KIAA1217: variants seen among roughly 807,000 people sequenced by gnomAD.
KIAA1217 encodes the protein KIAA1217.
KIAA1217 carries 88 observed loss-of-function variants against 163.9 expected under a neutral mutation model. The observed-to-expected ratio is 0.54, with a 90% CI of 0.45 to 0.64. The LOEUF (loss-of-function observed/expected upper bound fraction) is 0.64. Among genes scored for constraint, KIAA1217 ranks in the 30% least tolerant of loss-of-function variants. The probability of loss-of-function intolerance (pLI) is 0.00; values close to 1 mark genes in which losing one functional copy is unlikely to be tolerated. For synonymous variants in KIAA1217, 903 were observed against 923.1 expected, an observed-to-expected ratio of 0.98 and a Z score of 0.39; for missense variants, 2,372 against 2,475.0, an observed-to-expected ratio of 0.96 and a Z score of 0.88.
intron 2 of KIAA1217, among the ~76,000 whole-genome samples, chr10:24,174,456 C>A (rs1021323576): frequency 1.3e-5 from 2 of 152,178 alleles, no homozygotes; most frequent in African/African-American, 4.8e-5. Context: ...AAAGCTATAC[C>A]TTGAAACCCC....
chr10:24,225,438 C>G (rs897551865), intron 2 of KIAA1217, among the ~76,000 whole-genome samples: 1 of 152,164 alleles, frequency 6.6e-6, no homozygotes, highest in African/African-American at 2.4e-5. Flanking sequence ...TTTTTGTCAA[C>G]AAATATTTGA....
intron 3 of KIAA1217, among the ~76,000 whole-genome samples, chr10:24,408,742 C>A (rs1297543578): frequency 1.3e-5 from 2 of 151,922 alleles, no homozygotes; most frequent in East Asian, 3.9e-4. Flanking sequence ...AATCTTTATT[C>A]AAACACCATC....
chr10:23,831,859 A>G (rs888070160), intron 1 of KIAA1217, among the ~76,000 whole-genome samples: 2 of 152,214 alleles, frequency 1.3e-5, no homozygotes, highest in African/African-American at 2.4e-5. Context: ...TTCCACTTCT[A>G]AAGAAGGTTT....
intron 2 of KIAA1217, among the ~76,000 whole-genome samples, chr10:24,190,694 G>A (rs2066676972): frequency 6.6e-6 from 1 of 152,192 alleles, no homozygotes; most frequent in South Asian, 2.1e-4. Context: ...GGGAAGGCAG[G>A]CTGCTGACCA....
intron 2 of KIAA1217, among the ~76,000 whole-genome samples, chr10:24,290,607 C>CTTT (rs772470799): frequency 7.0e-6 from 1 of 142,760 alleles, no homozygotes; most frequent in Non-Finnish European, 1.5e-5. Flanking sequence ...AGATGTCTCT[C>CTTT]TTTTTTTTTT....
intron 2 of KIAA1217, among the ~76,000 whole-genome samples, chr10:24,275,075 C>A (rs1487965003): frequency 6.6e-6 from 1 of 152,178 alleles, no homozygotes; most frequent in Non-Finnish European, 1.5e-5. Flanking sequence ...ATATCTGGGA[C>A]TACAGGCACA....
intron 1 of KIAA1217, among the ~76,000 whole-genome samples, chr10:23,894,791 A>G (rs896807606): frequency 7.3e-5 from 11 of 150,928 alleles, no homozygotes; most frequent in African/African-American, 2.7e-4. Context: ...ACCAAAACAG[A>G]GATATAGATC....
chr10:23,955,938 G>A (rs1215155917), intron 1 of KIAA1217, among the ~76,000 whole-genome samples: 1 of 152,138 alleles, frequency 6.6e-6, no homozygotes, highest in African/African-American at 2.4e-5. Context: ...CTTTAGATTC[G>A]AGATGGTATC....
At chr10:24,430,126 A>G (rs2059477772) in intron 3 of KIAA1217, among the ~76,000 whole-genome samples, 1 of 152,194 alleles carries the variant, frequency 6.6e-6, no homozygotes, top group African/African-American at 2.4e-5. Flanking sequence ...AGCCTAGGCA[A>G]CAGAGCAAGG....
At chr10:23,715,798 A>C (rs1387558939) in intron 1 of KIAA1217, among the ~76,000 whole-genome samples, 1 of 152,240 alleles carries the variant, frequency 6.6e-6, no homozygotes, top group East Asian at 1.9e-4. Flanking sequence ...CCCGTGAAAG[A>C]AAAGCAAAGC....
chr10:23,752,318 C>T (rs140409550), intron 1 of KIAA1217, among the ~76,000 whole-genome samples: 1 of 152,080 alleles, frequency 6.6e-6, no homozygotes, highest in Non-Finnish European at 1.5e-5. Context: ...GAGACATTTA[C>T]ATTTTATTGA....
At chr10:24,163,561 A>G (rs1011700394) in intron 2 of KIAA1217, among the ~76,000 whole-genome samples, 4 of 152,194 alleles carry the variant, frequency 2.6e-5, no homozygotes, top group Admixed American at 6.5e-5. Context: ...GTTTTCTTGA[A>G]GCTTATTTCT....
chr10:23,891,354 C>T (rs183870758), intron 1 of KIAA1217, among the ~76,000 whole-genome samples: 93 of 151,924 alleles, frequency 6.1e-4, no homozygotes, highest in African/African-American at 2.1e-3. Flanking sequence ...ACCTGGTTGC[C>T]CAGGCTGGAA....
chr10:24,240,543 C>T (rs939857632), intron 2 of KIAA1217, among the ~76,000 whole-genome samples: 1 of 152,136 alleles, frequency 6.6e-6, no homozygotes, highest in African/African-American at 2.4e-5. Flanking sequence ...AGAACTGTGC[C>T]TCCAACATCG....
At chr10:23,723,511 C>T (rs1473510130) in intron 1 of KIAA1217, among the ~76,000 whole-genome samples, 1 of 152,180 alleles carries the variant, frequency 6.6e-6, no homozygotes, top group African/African-American at 2.4e-5. Flanking sequence ...AGTCTTAGTG[C>T]ATGCATCTTG....
rs535533470 is a variant in KIAA1217, at chr10:24,169,899, G to A, written c.-170-49727G>A. 7.2e-5 allele frequency among the ~76,000 whole-genome samples: 11 copies of A among 151,994 alleles called. No individual in the cohort carries two copies. The South Asian group carries it at 1.5e-3, about 20-fold the overall frequency. On this transcript the variant is annotated intron_variant, in intron 2 of 18. Transcript: ENST00000376462. ...ACAACAAAAAGAAAATTAAAAAAAC[G>A]AAAAAACACCTAAGCTCCCTAAGTT...
At chr10:24,396,223 A>G (rs2055725936) in intron 3 of KIAA1217, among the ~76,000 whole-genome samples, 1 of 151,974 alleles carries the variant, frequency 6.6e-6, no homozygotes, top group Non-Finnish European at 1.5e-5. Context: ...TGTAATCCCA[A>G]CTAGTCGGGA....
chr10:24,243,354 C>T (rs1203766445), intron 2 of KIAA1217, among the ~76,000 whole-genome samples: 7 of 152,012 alleles, frequency 4.6e-5, no homozygotes, highest in Non-Finnish European at 1.5e-5. Flanking sequence ...GCTTCTAGTG[C>T]ACCCATTATT....
At chr10:23,836,143 A>G (rs1838437408) in intron 1 of KIAA1217, among the ~76,000 whole-genome samples, 1 of 152,186 alleles carries the variant, frequency 6.6e-6, no homozygotes, top group Non-Finnish European at 1.5e-5. Context: ...TTTCTATTAG[A>G]TAAGTGATAT....
Sources: allele counts gnomAD v4.1 joint callset (sites outside exome capture counted in the v4.1 genomes callset), GRCh38; gene constraint gnomAD v4.1.1; transcripts MANE v1.5; gene names NCBI Gene and HGNC (gene_info 2026-07-23, HGNC 2026-07-21).